CRB2: variants seen among roughly 807,000 people sequenced by gnomAD.
CRB2 encodes protein crumbs homolog 2.
Under a neutral mutation model 110.9 loss-of-function variants are expected in CRB2, and 85 were observed. That is an observed-to-expected ratio of 0.77 (90% CI 0.64 to 0.92). The LOEUF (loss-of-function observed/expected upper bound fraction) is 0.92. Among genes scored for constraint, CRB2 ranks in the 40% least tolerant of loss-of-function variants. CRB2 has a pLI of 0.00. For missense variants in CRB2, 1,843 were observed against 1,851.3 expected (o/e 1.00, Z 0.08); for synonymous variants, 907 against 831.0 (o/e 1.09, Z -1.57).
Position 123,373,215 on chromosome 9 carries a change from G to A in CRB2, c.2684G>A (p.Gly895Asp). Residue 895 changes from glycine (G) to aspartate (D), a missense_variant, in exon 10 of 13, where the codon GGC (glycine) becomes GAC (aspartate). Transcript: ENST00000373631. ...GCGTCGTCAGGGCGCTTGCTCGGCG[G>A]CCTGTCGCTGGCCTTTCGCACGCGC... ...HNASSGRLLG[G>D]LSLAFRTRDS... 2 of 1,511,028 alleles carry A rather than the reference G, an allele frequency of 1.3e-6. No individual in the cohort carries two copies. Among genetic ancestry groups the A allele is most frequent in the Non-Finnish European group, 1.8e-6 (2 of 1,136,584 alleles). 93.6% of individuals were successfully genotyped at this position (1,511,028 alleles called of 1,614,324 possible).
chr9:123,375,298 A>T lies in CRB2; in HGVS notation c.3588A>T (p.Glu1196Asp). The T allele has an allele frequency of 1.9e-6, 3 of 1,611,134 alleles. No homozygotes were observed. The highest frequency in any genetic ancestry group is 2.5e-6 in the Non-Finnish European group (3 of 1,178,532). ...GTCRAAGGVS[E>D]CICNARFSGQ... ...GCCGGGCAGCTGGAGGGGTGTCTGA[A>T]TGTATCTGCAATGCCAGATTCTCCG... Residue 1196 changes from glutamate (E) to aspartate (D), a missense_variant, in exon 12 of 13, where the codon GAA becomes GAT. Physicochemically the swap from Glu to Asp is conservative, Grantham distance 45. Coordinates refer to ENST00000373631, the MANE Select transcript of CRB2 (RefSeq NM_173689.7).
chr9:123,355,332 T>C (rs1021953517), upstream of CRB2, among the ~76,000 whole-genome samples: 2 of 152,068 alleles, frequency 1.3e-5, no homozygotes, highest in African/African-American at 4.8e-5. Context: ...AGAGCAATGC[T>C]TGCTTGGTTA....
Position 123,370,657 on chromosome 9 carries a change from T to C in CRB2, c.1604T>C (p.Leu535Pro). ...CATCTAGCGACCCTGGAGCTACGGC[T>C]CTGGCATGAGGGCTGCCCTGCCCGG... is the stretch of plus-strand genomic sequence containing the variant. ...VLHLATLELR[L>P]WHEGCPARLC... The change falls in exon 7 of 13, where the codon CTC becomes CCC. Residue 535 changes from leucine to proline, a missense_variant. Coordinates refer to ENST00000373631, the MANE Select transcript of CRB2 (RefSeq NM_173689.7). 3 of 1,608,180 alleles carry C rather than the reference T, an allele frequency of 1.9e-6. No homozygotes were observed. Among genetic ancestry groups the C allele is most frequent in the Non-Finnish European group, 2.5e-6 (3 of 1,179,980 alleles).
chr9:123,367,799 T>G (rs1588211066), intron 6 of CRB2, 113 bp downstream of exon 6: 1 of 725,894 alleles, frequency 1.4e-6, no homozygotes, highest in African/African-American at 1.8e-5. Context: ...AGGGAGGAGG[T>G]GGGTATGGTG....
chr9:123,370,097 C>G lies in CRB2; in HGVS notation c.1055-11C>G. ...AGACATTACTGAACCTTGGCTTTGT[C>G]TCTCCCAAAGGGCCGACATGTGAGG... is the stretch of plus-strand genomic sequence containing the variant. On this transcript the variant is annotated splice_polypyrimidine_tract_variant and intron_variant, in intron 6 of 12. Coordinates refer to ENST00000373631, the MANE Select transcript of CRB2 (RefSeq NM_173689.7). 6.4e-7 allele frequency: 1 copy of G among 1,567,676 alleles called. No homozygotes were observed. The highest frequency in any genetic ancestry group is 1.2e-5 in the South Asian group (1 of 82,358).
chr9:123,374,656 C>G lies in CRB2; in HGVS notation c.3467C>G (p.Ala1156Gly). ...DGSPCEGGSP[A>G]ANCSCLEGLA... ...AGCCCATGTGAGGGTGGCTCTCCCGCTGCCAACTGCAGCTGCCTGGAGGGT... is the reference window on the plus strand; with the variant it reads ...AGCCCATGTGAGGGTGGCTCTCCCGGTGCCAACTGCAGCTGCCTGGAGGGT... The change falls in exon 11 of 13, where the codon GCT becomes GGT. Residue 1156 changes from alanine (A) to glycine (G), a missense_variant. Ala to Gly is a moderately conservative substitution (Grantham distance 60). Transcript: ENST00000373631. The G allele has an allele frequency of 6.2e-7, 1 of 1,612,712 alleles. No individual in the cohort carries two copies. The highest frequency in any genetic ancestry group is 8.5e-7 in the Non-Finnish European group (1 of 1,179,930).
chr9:123,374,058 T>C (rs1564378394), intron 10 of CRB2, 138 bp downstream of exon 10: 2 of 1,101,666 alleles, frequency 1.8e-6, no homozygotes, highest in Non-Finnish European at 2.7e-6. Flanking sequence ...AGGAGGACAG[T>C]TTAATTTGAT....
intron 9 of CRB2, 74 bp downstream of exon 9, chr9:123,372,416 C>A: frequency 6.6e-7 from 1 of 1,509,648 alleles, no homozygotes; most frequent in Non-Finnish European, 8.9e-7. Flanking sequence ...TCTGCACTCT[C>A]AGGGCTTGTA....
chr9:123,376,958 C>T lies in CRB2; in HGVS notation c.3754C>T (p.Arg1252Cys), dbSNP rs537738396. The part of the protein sequence containing the change: ...LSGILAARKR[R>C]QSEGTYSPSQ... ...AGGGATCCTGGCAGCCCGAAAGCGC[C>T]GCCAGTCTGAGGGCACCTACAGCCC... The change falls in exon 13 of 13, where the codon CGC (arginine) becomes TGC (cysteine). Residue 1252 changes from arginine to cysteine, a missense_variant. Physicochemically the swap from Arg to Cys is radical, Grantham distance 180. Transcript: ENST00000373631. 122 of 1,607,608 alleles carry T rather than the reference C, an allele frequency of 7.6e-5. 1 individual carries two copies. In the Admixed American group the frequency reaches 1.8e-3, roughly 24 times the overall value.
In CRB2 at chr9:123,362,870, G is replaced by A; in HGVS notation, c.100G>A (p.Val34Met). The change falls in exon 2 of 13, where the codon GTG becomes ATG. Residue 34 changes from valine (V) to methionine (M), a missense_variant. Val to Met is a conservative substitution (Grantham distance 21). Transcript: ENST00000373631. Reference sequence around the variant, plus strand: ...CCAGTTTCTTCTTTCTACAGGGACGGTGCCTTCAGAGCCCCCCAGTGCCTG... The same window carrying A: ...CCAGTTTCTTCTTTCTACAGGGACGATGCCTTCAGAGCCCCCCAGTGCCTG... Reference protein sequence around the residue: ...APALSLLAGTVPSEPPSACAS... With the variant: ...APALSLLAGTMPSEPPSACAS... 6.3e-7 allele frequency: 1 copy of A among 1,578,402 alleles called. No homozygotes were observed.
Position 123,373,237 on chromosome 9 carries a change from G to C in CRB2, c.2706G>C (p.Thr902=). 1 of 1,504,996 alleles carries C rather than the reference G, an allele frequency of 6.6e-7. No homozygotes were observed. Among genetic ancestry groups the C allele is most frequent in the African/African-American group, 1.4e-5 (1 of 69,198 alleles). The allele number at this position is 1,504,996 out of a possible 1,614,324, so 93.2% of individuals were successfully genotyped here. ...LLGGLSLAFR[T]RDSEAWLLRA... ...GCGGCCTGTCGCTGGCCTTTCGCAC[G>C]CGCGACTCCGAGGCCTGGCTGCTGC... Residue 902 remains threonine (T), a synonymous_variant, in exon 10 of 13, where the codon ACG becomes ACC. Coordinates refer to ENST00000373631, the MANE Select transcript of CRB2 (RefSeq NM_173689.7).
chr9:123,378,490 C>T lies in CRB2; in HGVS notation c.*1428C>T, dbSNP rs1437136397. The T allele has an allele frequency of 6.6e-6, 1 of 152,272 alleles. No individual in the cohort carries two copies. Among genetic ancestry groups the T allele is most frequent in the Non-Finnish European group, 1.5e-5 (1 of 68,080 alleles). The allele number at this position is 152,272 out of a possible 1,614,324, so 9.4% of individuals were successfully genotyped here. A position where few individuals can be genotyped will look rare whatever the true frequency, so the allele number is the denominator to read the frequency against. The stretch of plus-strand genomic sequence containing the variant: ...TCCAATGTGGGGAGCCACGTGACAA[C>T]GTGGGGGACTGGGACATGGGACTGG... On this transcript the variant is annotated 3_prime_UTR_variant, in exon 13 of 13. Coordinates refer to ENST00000373631, the MANE Select transcript of CRB2 (RefSeq NM_173689.7).
chr9:123,378,465 T>G lies in CRB2; in HGVS notation c.*1403T>G, dbSNP rs144351783. 1 of 152,242 alleles carries G rather than the reference T, an allele frequency of 6.6e-6. No individual in the cohort carries two copies. The highest frequency in any genetic ancestry group is 1.5e-5 in the Non-Finnish European group (1 of 68,070). The allele number at this position is 152,242 out of a possible 1,614,324, so 9.4% of individuals were successfully genotyped here. ...GGGTCCCAGAGGCATGGGTGTCCAG[T>G]CCAATGTGGGGAGCCACGTGACAAC... On this transcript the variant is annotated 3_prime_UTR_variant, in exon 13 of 13. Transcript: ENST00000373631.
In CRB2 at chr9:123,365,914, C is replaced by T. The variant is rs1462089839; in HGVS notation, c.419-3C>T. 6.3e-7 allele frequency: 1 copy of T among 1,591,116 alleles called. No individual in the cohort carries two copies. The highest frequency in any genetic ancestry group is 8.5e-7 in the Non-Finnish European group (1 of 1,176,210). ...CACCCTGTGTGTCCCCTGCCCTGTC[C>T]AGGCGTGACCTGCGAGATGGAGGTG... On this transcript the variant is annotated splice_polypyrimidine_tract_variant and splice_region_variant and intron_variant, in intron 2 of 12. Coordinates refer to ENST00000373631, the MANE Select transcript of CRB2 (RefSeq NM_173689.7).
chr9:123,359,433 T>G (rs1267547418), intron 1 of CRB2, among the ~76,000 whole-genome samples: 3 of 91,912 alleles, frequency 3.3e-5, no homozygotes, highest in African/African-American at 1.5e-4. Flanking sequence ...GTTTTTCGTT[T>G]TTGTTTTGTT....
At chr9:123,374,818 T>C (rs1057243387) in intron 11 of CRB2, 123 bp downstream of exon 11, 12 of 657,594 alleles carry the variant, frequency 1.8e-5, no homozygotes, top group African/African-American at 9.0e-5. Flanking sequence ...ACAGTCACCA[T>C]TGTCACTTGA....
intron 4 of CRB2, 58 bp downstream of exon 4, chr9:123,366,424 G>A (rs1163142381): frequency 1.8e-5 from 26 of 1,484,838 alleles, no homozygotes; most frequent in Non-Finnish European, 2.3e-5. Context: ...CGCCTGTGCG[G>A]CCTGGGGCGG....
At position 123,373,320 on chromosome 9, in the gene CRB2, CG is replaced by C; in HGVS notation, c.2795del (p.Gly932AlafsTer209). ...CTGGCGGTGCGCAATGGCTCGCTGG[CG>C]GGGGGCGTGCGCGGAGGCCATGGCC... ...VWLAVRNGSL[A>X]GGVRGGHGLP... On this transcript the variant is annotated frameshift_variant, in exon 10 of 13. Transcript: ENST00000373631. LOFTEE classifies it high-confidence loss of function. 6.9e-6 allele frequency: 10 copies of C among 1,450,272 alleles called. No homozygotes were observed. Among genetic ancestry groups the C allele is most frequent in the East Asian group, 3.0e-5 (1 of 33,638 alleles). 89.8% of individuals were successfully genotyped at this position (1,450,272 alleles called of 1,614,324 possible).
intron 9 of CRB2, 127 bp downstream of exon 9, chr9:123,372,469 G>A: frequency 8.1e-7 from 1 of 1,235,382 alleles, no homozygotes; most frequent in African/African-American, 1.5e-5. Context: ...GGGCAGTGTG[G>A]CGGGGCCACC....
Sources: gnomAD v4.1 joint callset for allele counts (sites outside exome capture counted in the v4.1 genomes callset) on GRCh38, gnomAD v4.1.1 for gene constraint, MANE v1.5 for transcripts, NCBI Gene and HGNC (gene_info 2026-07-23, HGNC 2026-07-21) for gene names.